EHD4: variants seen among roughly 807,000 people sequenced by gnomAD.
EHD4 encodes EH domain containing 4, also known as EH domain-containing protein 4.
In EHD4, 37 loss-of-function variants were observed where a neutral mutation model predicts 51.0. That is an observed-to-expected ratio of 0.73 (90% CI 0.56 to 0.95). EHD4 has a LOEUF of 0.95. EHD4 is among the 40% of genes least tolerant of loss of function. EHD4 has a pLI of 0.00. For missense variants in EHD4, 632 were observed against 733.1 expected (o/e 0.86, Z 1.59); for synonymous variants, 297 against 317.3 (o/e 0.94, Z 0.68).
At chr15:41,922,386 AAAAAC>A (rs1027964340) in intron 3 of EHD4, among the ~76,000 whole-genome samples, 1 of 152,204 alleles carries the variant, frequency 6.6e-6, no homozygotes, top group South Asian at 2.1e-4. Flanking sequence ...ACCCTGTCAC[AAAAAC>A]AAAACAAAAC....
At position 41,899,345 on chromosome 15, in the gene EHD4, A is replaced by C. The variant is rs971445357; in HGVS notation, c.*1300T>G. 1 of 152,192 alleles carries C rather than the reference A, an allele frequency of 6.6e-6. No homozygotes were observed. The highest frequency in any genetic ancestry group is 1.5e-5 in the Non-Finnish European group (1 of 68,026). 9.4% of individuals were successfully genotyped at this position (152,192 alleles called of 1,614,324 possible). On this transcript the variant is annotated 3_prime_UTR_variant, in exon 6 of 6. Transcript: ENST00000220325. ...AGCAGCAGTCCAGAGAGGTTTACTC[A>C]GGGGATTTGGGGAGCGCACACTCTG...
chr15:41,901,111 T>C lies in EHD4; in HGVS notation c.1160A>G (p.Asn387Ser). Residue 387 changes from asparagine to serine, a missense_variant, in exon 6 of 6, where the codon AAC becomes AGC. Transcript: ENST00000220325. ...LKPKLIEAVD[N>S]MLSNKISPLM... ...GGGCGAGATCTTGTTGCTCAGCATG[T>C]TGTCCACTGCCTCGATCAGCTTGGG... 1.2e-6 allele frequency: 2 copies of C among 1,608,218 alleles called. No homozygotes were observed. The highest frequency in any genetic ancestry group is 1.7e-6 in the Non-Finnish European group (2 of 1,177,492).
At chr15:41,929,650 T>C (rs1025618309) in intron 3 of EHD4, among the ~76,000 whole-genome samples, 1 of 152,196 alleles carries the variant, frequency 6.6e-6, no homozygotes, top group African/African-American at 2.4e-5. Context: ...TAAAAAAACC[T>C]ACCAAGAAAA....
intron 3 of EHD4, among the ~76,000 whole-genome samples, chr15:41,939,866 T>C (rs2067757243): frequency 6.6e-6 from 1 of 152,074 alleles, no homozygotes; most frequent in Non-Finnish European, 1.5e-5. Flanking sequence ...GTAAGGAGTT[T>C]CCATACGGAG....
At chr15:41,967,269 C>G (rs1447852751) in intron 1 of EHD4, among the ~76,000 whole-genome samples, 6 of 152,136 alleles carry the variant, frequency 3.9e-5, no homozygotes, top group Admixed American at 3.9e-4. Flanking sequence ...CTCAGGGAGG[C>G]AGCCTTTTCC....
intron 3 of EHD4, among the ~76,000 whole-genome samples, chr15:41,921,252 G>C (rs1877939071): frequency 6.6e-6 from 1 of 152,122 alleles, no homozygotes; most frequent in Non-Finnish European, 1.5e-5. Context: ...TCTCTGTTCT[G>C]TCTCACTGCG....
chr15:41,936,385 CT>C (rs2067731979), intron 3 of EHD4, among the ~76,000 whole-genome samples: 1 of 152,156 alleles, frequency 6.6e-6, no homozygotes, highest in Non-Finnish European at 1.5e-5. Context: ...CCTCACAGAG[CT>C]TTTGTGAGGA....
At chr15:41,904,291 C>G (rs1199609890) in intron 5 of EHD4, among the ~76,000 whole-genome samples, 2 of 152,120 alleles carry the variant, frequency 1.3e-5, no homozygotes, top group African/African-American at 4.8e-5. Flanking sequence ...CAGGGGTGGA[C>G]AGGAGGCAGC....
chr15:41,915,291 T>G (rs193163575), intron 4 of EHD4, among the ~76,000 whole-genome samples: 1 of 152,376 alleles, frequency 6.6e-6, no homozygotes, highest in East Asian at 1.9e-4. Flanking sequence ...TTAGCCAGGC[T>G]GGTCTCGAAC....
intron 1 of EHD4, among the ~76,000 whole-genome samples, chr15:41,956,224 C>T (rs1007331713): frequency 1.3e-5 from 2 of 152,218 alleles, no homozygotes; most frequent in African/African-American, 4.8e-5. Flanking sequence ...AGAACTGCAG[C>T]GTGTGCTTTT....
chr15:41,971,697 A>C (rs1257442105), intron 1 of EHD4, among the ~76,000 whole-genome samples: 1 of 152,254 alleles, frequency 6.6e-6, no homozygotes, highest in African/African-American at 2.4e-5. Context: ...GGGCGGCTAA[A>C]GGCGGTGCAT....
rs2067458530 is a variant in EHD4 at position 41,899,059 on chromosome 15, G to C, written c.*1586C>G. On this transcript the variant is annotated 3_prime_UTR_variant, in exon 6 of 6. Coordinates refer to ENST00000220325, the MANE Select transcript of EHD4 (RefSeq NM_139265.4). ...GCCTTTGACCCTGTCACCAAAGGCA[G>C]GTGACAGAAAAAAAAAATTATGTGC... The C allele has an allele frequency of 8.7e-6, 1 of 115,496 alleles. No homozygotes were observed. Among genetic ancestry groups the C allele is most frequent in the Non-Finnish European group, 1.8e-5 (1 of 55,008 alleles). 7.2% of individuals were successfully genotyped at this position (115,496 alleles called of 1,614,324 possible). A position where few individuals can be genotyped will look rare whatever the true frequency, so the allele number is the denominator to read the frequency against.
chr15:41,918,315 G>C (rs1727349514), intron 4 of EHD4, among the ~76,000 whole-genome samples: 2 of 152,122 alleles, frequency 1.3e-5, no homozygotes, highest in South Asian at 2.1e-4. Context: ...CGAGGCTCTG[G>C]GGCAGGGCCT....
chr15:41,944,149 C>T (rs1254930001), intron 2 of EHD4, among the ~76,000 whole-genome samples: 2 of 152,188 alleles, frequency 1.3e-5, no homozygotes, highest in Non-Finnish European at 2.9e-5. Flanking sequence ...TGCTATGGGA[C>T]TCTGGGTAAG....
Position 41,919,044 on chromosome 15 carries a change from T to G in EHD4, c.924+166A>C, listed in dbSNP as rs562684702. ...TGCCCAGGAGTGCAGAGCCAGGAGC[T>G]AGGGTGTCAGCAGGGCCACCTGACC... is the stretch of plus-strand genomic sequence containing the variant. On this transcript the variant is annotated intron_variant, in intron 4 of 5. Coordinates refer to ENST00000220325, the MANE Select transcript of EHD4 (RefSeq NM_139265.4). Among the ~76,000 whole-genome samples, 9 of 152,314 alleles carry G rather than the reference T, an allele frequency of 5.9e-5. No homozygotes were observed. In the South Asian group the frequency reaches 1.9e-3, roughly 32 times the overall value.
intron 4 of EHD4, among the ~76,000 whole-genome samples, chr15:41,911,404 T>C: frequency 6.6e-6 from 1 of 151,774 alleles, no homozygotes; most frequent in Non-Finnish European, 1.5e-5. Context: ...TTTAGAATCC[T>C]GGGCTTTAAC....
chr15:41,965,110 G>C (rs762626833), intron 1 of EHD4, among the ~76,000 whole-genome samples: 2 of 151,936 alleles, frequency 1.3e-5, no homozygotes, highest in Non-Finnish European at 2.9e-5. Flanking sequence ...TTATGCTTAG[G>C]CTATTCTAAG....
intron 2 of EHD4, among the ~76,000 whole-genome samples, chr15:41,944,134 T>C (rs898879522): frequency 6.6e-6 from 1 of 152,222 alleles, no homozygotes; most frequent in Non-Finnish European, 1.5e-5. Context: ...CGTTTCCTGA[T>C]AATCTGCTAT....
rs202035050 is a variant in EHD4, at chr15:41,900,957, G to A, written c.1314C>T (p.Asp438=). The stretch of plus-strand genomic sequence containing the variant: ...CTTTGGCCACGACCCACTCCTCCTC[G>A]TCGGCGCCCTCCTTGGCACCCTCCC... ...GYGEGAKEGA[D]EEEWVVAKDK... Residue 438 remains aspartate (D), a synonymous_variant, in exon 6 of 6, where the codon GAC becomes GAT. Coordinates refer to ENST00000220325, the MANE Select transcript of EHD4 (RefSeq NM_139265.4). The surrounding 1 kb of genome is among the most constrained non-coding windows in gnomAD (Gnocchi z 4.8). 242 of 1,612,998 alleles carry A rather than the reference G, an allele frequency of 1.5e-4. No individual in the cohort carries two copies. In the Middle Eastern group the frequency reaches 2.3e-3, roughly 15 times the overall value.
Sources: allele counts gnomAD v4.1 joint callset (sites outside exome capture counted in the v4.1 genomes callset), GRCh38; gene constraint gnomAD v4.1.1; non-coding constraint Gnocchi (gnomAD v3.1); transcripts MANE v1.5; gene names NCBI Gene and HGNC (gene_info 2026-07-23, HGNC 2026-07-21).